LILRA4: variants seen among roughly 807,000 people sequenced by gnomAD.
LILRA4 encodes the protein leukocyte immunoglobulin like receptor A4, also known as leukocyte immunoglobulin-like receptor subfamily A member 4.
A neutral mutation model predicts 49.5 loss-of-function variants in LILRA4; 51 were observed. That is an observed-to-expected ratio of 1.03 (90% CI 0.82 to 1.30). The LOEUF is 1.30. LILRA4 is among the 50% of genes most tolerant of loss of function. LILRA4 has a pLI of 0.00. For missense variants in LILRA4, 624 were observed against 625.6 expected (o/e 1.00, Z 0.03); for synonymous variants, 272 against 265.6 (o/e 1.02, Z -0.23).
intron 3 of LILRA4, 68 bp from the exon 4 acceptor site, chr19:54,338,303 T>G: frequency 6.3e-7 from 1 of 1,595,106 alleles, no homozygotes; most frequent in Non-Finnish European, 8.5e-7. Context: ...CCTACAAGGC[T>G]GGGCTGTGAG....
Position 54,338,374 on chromosome 19 carries a change from G to A in LILRA4, c.355+22C>T. The A allele has an allele frequency of 2.5e-6, 4 of 1,613,442 alleles. No individual in the cohort carries two copies. In the South Asian group the frequency reaches 4.4e-5, roughly 18 times the overall value. On this transcript the variant is annotated intron_variant, in intron 3 of 7. Coordinates refer to ENST00000291759, the MANE Select transcript of LILRA4 (RefSeq NM_012276.5). The stretch of plus-strand genomic sequence containing the variant: ...TTCCCGAGGGCAGAGCCTGGGGCTG[G>A]GACCCCTGAGTGTCCTCTCACCTGT...
At chr19:54,338,364 C>T in intron 3 of LILRA4, 32 bp downstream of exon 3, 1 of 1,612,610 alleles carries the variant, frequency 6.2e-7, no homozygotes, top group Non-Finnish European at 8.5e-7. Context: ...GAGGGCAGAG[C>T]CTGGGGCTGG....
rs1355889073 is a variant in LILRA4 at position 54,333,587 on chromosome 19, AG to A, written c.1484del (p.Pro495LeufsTer49). On this transcript the variant is annotated frameshift_variant, in exon 8 of 8. Transcript: ENST00000291759. LOFTEE classifies it low-confidence loss of function (END_TRUNC). ...KDNAPFRVVE[P>X]WEQI ...CCTCAGATCATCAGATCTGTTCCCA[AG>A]GCTCCACCACTCTGAAGGGTGCATT... 1 of 1,613,874 alleles carries A rather than the reference AG, an allele frequency of 6.2e-7. No homozygotes were observed. The highest frequency in any genetic ancestry group is 1.3e-5 in the African/African-American group (1 of 74,866).
chr19:54,337,805 T>C (rs2081347049), intron 4 of LILRA4, 109 bp from the exon 5 acceptor site: 1 of 1,452,982 alleles, frequency 6.9e-7, no homozygotes, highest in African/African-American at 1.4e-5. Flanking sequence ...TTTCTCATTC[T>C]GTATTTGTGT....
chr19:54,335,172 A>G (rs575719219), intron 6 of LILRA4: 2 of 152,312 alleles, frequency 1.3e-5, no homozygotes, highest in Admixed American at 1.3e-4. Flanking sequence ...CATGCTTTGC[A>G]TTTGTGTCTC....
rs759549809 is a variant in LILRA4 at position 54,338,598 on chromosome 19, G to A, written c.153C>T (p.Gly51=). The A allele has an allele frequency of 3.1e-6, 5 of 1,613,984 alleles. No individual in the cohort carries two copies. In the Admixed American group the frequency reaches 8.3e-5, roughly 27 times the overall value. ...WHNPVTIWCQ[G]TLEAQGYRLD... ...GACGGTACCCCTGGGCCTCCAGGGT[G>A]CCCTGACACCAGATGGTCACGGGGT... The change falls in exon 3 of 8, where the codon GGC becomes GGT. Residue 51 remains glycine, a synonymous_variant. Transcript: ENST00000291759.
Position 54,338,154 on chromosome 19 carries a change from C to G in LILRA4, c.437G>C (p.Arg146Pro). Residue 146 changes from arginine (R) to proline (P), a missense_variant, in exon 4 of 8, where the codon CGG (arginine) becomes CCG (proline). Coordinates refer to ENST00000291759, the MANE Select transcript of LILRA4 (RefSeq NM_012276.5). ...GVNVTLRCASRLGLGRFTLIE... is the reference protein window; with the variant it reads ...GVNVTLRCASPLGLGRFTLIE... ...CAGAGTGAACCTGCCCAGTCCCAGC[C>G]GTGAGGCACACCGGAGGGTCACGTT... is the stretch of plus-strand genomic sequence containing the variant. The G allele has an allele frequency of 6.2e-7, 1 of 1,613,986 alleles. No individual in the cohort carries two copies. Among genetic ancestry groups the G allele is most frequent in the South Asian group, 1.1e-5 (1 of 91,080 alleles).
chr19:54,338,354 G>A (rs537002135), intron 3 of LILRA4, 42 bp downstream of exon 3: 18 of 1,610,536 alleles, frequency 1.1e-5, no homozygotes, highest in Admixed American at 8.4e-5. Context: ...CCCCCTTCCC[G>A]AGGGCAGAGC....
chr19:54,338,225 T>A lies in LILRA4; in HGVS notation c.366A>T (p.Arg122Ser). The A allele has an allele frequency of 6.2e-7, 1 of 1,610,790 alleles. No individual in the cohort carries two copies. Among genetic ancestry groups the A allele is most frequent in the Non-Finnish European group, 8.5e-7 (1 of 1,177,846 alleles). ...PLELVVTAYS[R>S]PTLSALPSPV... ...GGCTTGGCAGTGCGGACAGGGTGGGTCTGCTGTAGGCTTTCAAGAGAAAAA... is the reference window on the plus strand; with the variant it reads ...GGCTTGGCAGTGCGGACAGGGTGGGACTGCTGTAGGCTTTCAAGAGAAAAA... The change falls in exon 4 of 8, where the codon AGA becomes AGT. Residue 122 changes from arginine to serine, a missense_variant. Physicochemically the swap from Arg to Ser is moderately radical, Grantham distance 110. Transcript: ENST00000291759.
Position 54,333,562 on chromosome 19 carries a change from C to A in LILRA4, c.*10G>T. Reference sequence around the variant, plus strand: ...CTGCTGCCCCAGTCTTCCAGAACCTCCTCAGATCATCAGATCTGTTCCCAA... The same window carrying A: ...CTGCTGCCCCAGTCTTCCAGAACCTACTCAGATCATCAGATCTGTTCCCAA... On this transcript the variant is annotated 3_prime_UTR_variant, in exon 8 of 8. Coordinates refer to ENST00000291759, the MANE Select transcript of LILRA4 (RefSeq NM_012276.5). The A allele has an allele frequency of 1.2e-6, 2 of 1,613,166 alleles. No homozygotes were observed. The highest frequency in any genetic ancestry group is 1.7e-6 in the Non-Finnish European group (2 of 1,179,454).
In LILRA4 at chr19:54,337,893, T is replaced by C. The variant is rs769529276; in HGVS notation, c.655+43A>G. On this transcript the variant is annotated intron_variant, in intron 4 of 7. Transcript: ENST00000291759. ...AGGGTAAGGCTCCCAACAGCTCACC[T>C]GGTGCCCTGACTTTGTATAAGGAAA... is the stretch of plus-strand genomic sequence containing the variant. 3 of 1,569,768 alleles carry C rather than the reference T, an allele frequency of 1.9e-6. No individual in the cohort carries two copies. The South Asian group carries it at 3.6e-5, about 19-fold the overall frequency.
intron 6 of LILRA4, 55 bp downstream of exon 6, chr19:54,336,786 T>G: frequency 2.5e-6 from 4 of 1,578,800 alleles, no homozygotes; most frequent in Non-Finnish European, 2.6e-6. Context: ...AAGCTCTCCT[T>G]TTTCATTTCC....
chr19:54,338,927 T>A (rs1214901250), intron 1 of LILRA4, 26 bp from the exon 2 acceptor site: 1 of 1,613,960 alleles, frequency 6.2e-7, no homozygotes, highest in South Asian at 1.1e-5. Context: ...CTGTGAGAGA[T>A]TTGCCTCCGA....
At position 54,337,000 on chromosome 19, in the gene LILRA4, G is replaced by T; in HGVS notation, c.1096C>A (p.Arg366Ser). 6.2e-7 allele frequency: 1 copy of T among 1,614,138 alleles called. No individual in the cohort carries two copies. Among genetic ancestry groups the T allele is most frequent in the South Asian group, 1.1e-5 (1 of 91,086 alleles). The stretch of plus-strand genomic sequence containing the variant: ...TGAGCTCCGTACATTGATCTCAGAC[G>T]CAACGGGGGATGGGCTGCCCCCTCC... ...TKEGAAHPPL[R>S]LRSMYGAHKY... Residue 366 changes from arginine (R) to serine (S), a missense_variant, in exon 6 of 8, where the codon CGT (arginine) becomes AGT (serine). Coordinates refer to ENST00000291759, the MANE Select transcript of LILRA4 (RefSeq NM_012276.5).
chr19:54,336,393 G>A (rs2081324004), intron 6 of LILRA4: 1 of 206,912 alleles, frequency 4.8e-6, no homozygotes, highest in African/African-American at 2.3e-5. Context: ...ACATCAGGAA[G>A]GGAGCAGGTG....
chr19:54,335,914 C>T (rs2122183009), intron 6 of LILRA4: 1 of 152,278 alleles, frequency 6.6e-6, no homozygotes, highest in Admixed American at 6.5e-5. Flanking sequence ...CGTATATATT[C>T]ATATTTGAGA....
chr19:54,335,875 T>C (rs1223136694), intron 6 of LILRA4: 2 of 152,158 alleles, frequency 1.3e-5, no homozygotes, highest in African/African-American at 2.4e-5. Flanking sequence ...TGGCTTTAGA[T>C]ATTTGTTTTT....
chr19:54,334,770 T>G (rs1054262501), intron 6 of LILRA4: 2 of 149,054 alleles, frequency 1.3e-5, no homozygotes, highest in East Asian at 2.0e-4. Context: ...ACTGAGACCA[T>G]CCTGGCTAAC....
chr19:54,334,005 G>C (rs1467269631), intron 6 of LILRA4, 40 bp from the exon 7 acceptor site: 1 of 1,541,114 alleles, frequency 6.5e-7, no homozygotes, highest in Non-Finnish European at 9.0e-7. Context: ...AGAAGCTGAA[G>C]AGCCTCTCCC....
Sources: gnomAD v4.1 joint callset for allele counts on GRCh38, gnomAD v4.1.1 for gene constraint, MANE v1.5 for transcripts, NCBI Gene and HGNC (gene_info 2026-07-23, HGNC 2026-07-21) for gene names.